Variants in LRRC37A3 observed in about 807,000 individuals in gnomAD.
The protein encoded by LRRC37A3 is leucine-rich repeat-containing protein 37A3.
Under a neutral mutation model 106.2 loss-of-function variants are expected in LRRC37A3, and 25 were observed. That is an observed-to-expected ratio of 0.24 (90% confidence interval 0.17 to 0.33). The LOEUF (loss-of-function observed/expected upper bound fraction) is 0.33. Among genes scored for constraint, LRRC37A3 ranks in the 10% least tolerant of loss-of-function variants. The pLI, the probability that LRRC37A3 is intolerant of heterozygous loss-of-function variation, is 1.00. For synonymous variants in LRRC37A3, 305 were observed against 635.8 expected (o/e 0.48, Z 7.83); for missense variants, 712 against 1,644.9 (o/e 0.43, Z 9.81).
At chr17:64,866,315 A>G (rs1195512650) in intron 10 of LRRC37A3, among the ~76,000 whole-genome samples, 1 of 151,936 alleles carries the variant, frequency 6.6e-6, no homozygotes, top group African/African-American at 2.4e-5. Context: ...TAGAGCAGTA[A>G]AAGAGATCTG....
At chr17:64,862,327 C>T (rs1381156800) in intron 11 of LRRC37A3, among the ~76,000 whole-genome samples, 2 of 151,960 alleles carry the variant, frequency 1.3e-5, no homozygotes, top group Non-Finnish European at 2.9e-5. Context: ...GTTTGAGATT[C>T]GGAGCAAGTT....
chr17:64,859,594 C>G lies in LRRC37A3; in HGVS notation c.4552G>C (p.Val1518Leu). 1 of 1,613,058 alleles carries G rather than the reference C, an allele frequency of 6.2e-7. No homozygotes were observed. The highest frequency in any genetic ancestry group is 1.1e-5 in the South Asian group (1 of 90,948). The part of the protein sequence containing the change: ...AHVQVTCAKL[V>L]SRTGHLMKLL... ...TTCATCAGGTGGCCTGTCCTGGAGACGAGCTTGGCACAGGTCACTTGCACA... is the reference window on the plus strand; with the variant it reads ...TTCATCAGGTGGCCTGTCCTGGAGAGGAGCTTGGCACAGGTCACTTGCACA... The change falls in exon 12 of 15, where the codon GTC becomes CTC. Residue 1518 changes from valine (V) to leucine (L), a missense_variant. Transcript: ENST00000584306.
At position 64,860,709 on chromosome 17, in the gene LRRC37A3, G is replaced by A; in HGVS notation, c.3437C>T (p.Thr1146Ile). 3 of 1,613,864 alleles carry A rather than the reference G, an allele frequency of 1.9e-6. No homozygotes were observed. Among genetic ancestry groups the A allele is most frequent in the South Asian group, 2.2e-5 (2 of 91,080 alleles). The change falls in exon 12 of 15, where the codon ACC (threonine) becomes ATC (isoleucine). Residue 1146 changes from threonine (T) to isoleucine (I), a missense_variant. Coordinates refer to ENST00000584306, the MANE Select transcript of LRRC37A3 (RefSeq NM_199340.5). ...AATCTTTGCCAGGCTGTTTCCTGTG[G>A]TTGGCAGTTTAATGAACGGTAGTAA... ...SLLLPFIKLP[T>I]TGNSLAKIQT...
At chr17:64,913,075 C>T (rs1204846282) in intron 2 of LRRC37A3, among the ~76,000 whole-genome samples, 2 of 150,166 alleles carry the variant, frequency 1.3e-5, no homozygotes, top group Non-Finnish European at 2.9e-5. Flanking sequence ...GTTACCCAGG[C>T]TAGAGTGCAA....
At chr17:64,863,138 A>C in intron 10 of LRRC37A3, 120 bp from the exon 11 acceptor site, 1 of 1,398,256 alleles carries the variant, frequency 7.2e-7, no homozygotes, top group Non-Finnish European at 1.0e-6. Flanking sequence ...TGTGGACTGG[A>C]CAGTTGGGTA....
rs1260758834 is a variant in LRRC37A3 at position 64,861,811 on chromosome 17, T to C, written c.3173-838A>G. Among the ~76,000 whole-genome samples the C allele has an allele frequency of 2.6e-5, 4 of 152,202 alleles. No individual in the cohort carries two copies. The South Asian group carries it at 6.2e-4, about 24-fold the overall frequency. Reference sequence around the variant, plus strand: ...TTCATTTCATCTCTAATATTTTGGATGGGGAATCATCCAAAGCTTCTGACT... The same window carrying C: ...TTCATTTCATCTCTAATATTTTGGACGGGGAATCATCCAAAGCTTCTGACT... On this transcript the variant is annotated intron_variant, in intron 11 of 14. Coordinates refer to ENST00000584306, the MANE Select transcript of LRRC37A3 (RefSeq NM_199340.5).
At chr17:64,873,407 G>T (rs986106862) in intron 8 of LRRC37A3, among the ~76,000 whole-genome samples, 14 of 152,156 alleles carry the variant, frequency 9.2e-5, no homozygotes, top group African/African-American at 3.4e-4. Flanking sequence ...CTCAACCTCA[G>T]CCTCAGCCTC....
At chr17:64,918,981 C>T in intron 1 of LRRC37A3, 111 bp from the exon 2 acceptor site, 1 of 1,207,170 alleles carries the variant, frequency 8.3e-7, no homozygotes, top group Non-Finnish European at 1.0e-6. Flanking sequence ...TGGCTGCCCC[C>T]GCCTCCCCCC....
chr17:64,916,988 G>A (rs1974717577), intron 2 of LRRC37A3, among the ~76,000 whole-genome samples: 4 of 151,266 alleles, frequency 2.6e-5, no homozygotes, highest in Admixed American at 2.6e-4. Flanking sequence ...GCTCACGTCT[G>A]TAATCCCAGC....
chr17:64,916,627 A>C (rs1974707833), intron 2 of LRRC37A3, among the ~76,000 whole-genome samples: 2 of 150,348 alleles, frequency 1.3e-5, no homozygotes, highest in Non-Finnish European at 3.0e-5. Flanking sequence ...AAAAAAAAAA[A>C]AAAAAAACTA....
chr17:64,874,456 C>T (rs1371645369), intron 8 of LRRC37A3, among the ~76,000 whole-genome samples: 45 of 150,932 alleles, frequency 3.0e-4, no homozygotes, highest in Non-Finnish European at 1.5e-4. Context: ...CCCGGCCAGC[C>T]GCCCCATCCG....
intron 2 of LRRC37A3, among the ~76,000 whole-genome samples, chr17:64,913,587 G>A (rs994058872): frequency 4.0e-5 from 6 of 151,590 alleles, no homozygotes; most frequent in South Asian, 2.1e-4. Flanking sequence ...TGATCCACCC[G>A]CCTCGGCCTC....
At chr17:64,912,979 G>A (rs1396850496) in intron 2 of LRRC37A3, among the ~76,000 whole-genome samples, 1 of 148,094 alleles carries the variant, frequency 6.8e-6, no homozygotes, top group Non-Finnish European at 1.5e-5. Flanking sequence ...GTCAAAAACA[G>A]TATTATACTA....
chr17:64,859,601 G>A lies in LRRC37A3; in HGVS notation c.4545C>T (p.Ala1515=). The change falls in exon 12 of 15, where the codon GCC becomes GCT. Residue 1515 remains alanine, a synonymous_variant. Coordinates refer to ENST00000584306, the MANE Select transcript of LRRC37A3 (RefSeq NM_199340.5). The stretch of plus-strand genomic sequence containing the variant: ...GGTGGCCTGTCCTGGAGACGAGCTT[G>A]GCACAGGTCACTTGCACATGGGCCC... ...CSGAHVQVTC[A]KLVSRTGHLM... is the part of the protein sequence containing the mutation. The A allele has an allele frequency of 6.2e-7, 1 of 1,613,156 alleles. No individual in the cohort carries two copies. The highest frequency in any genetic ancestry group is 1.1e-5 in the South Asian group (1 of 90,954).
Position 64,917,164 on chromosome 17 carries a change from T to A in LRRC37A3, c.-496+1586A>T, listed in dbSNP as rs1974722148. Among the ~76,000 whole-genome samples the A allele has an allele frequency of 2.9e-5, 4 of 139,896 alleles. No individual in the cohort carries two copies. In the South Asian group the frequency reaches 8.6e-4, roughly 30 times the overall value. The allele number at this position is 139,896 out of a possible 152,430, so 91.8% of individuals were successfully genotyped here. On this transcript the variant is annotated intron_variant, in intron 2 of 14. Transcript: ENST00000584306. ...GGGAGGCTGAGGCAGGAGAATGGCA[T>A]GAACCCGGGAGGCGGAGCTTGCAGT... is the stretch of plus-strand genomic sequence containing the variant.
chr17:64,916,885 T>C (rs1344481968), intron 2 of LRRC37A3, among the ~76,000 whole-genome samples: 3 of 147,770 alleles, frequency 2.0e-5, no homozygotes, highest in Non-Finnish European at 4.5e-5. Flanking sequence ...CATTAGTCAT[T>C]AGGGACAAGG....
At chr17:64,919,321 G>C (rs1287736198) in intron 1 of LRRC37A3, 110 bp downstream of exon 1, 3 of 510,442 alleles carry the variant, frequency 5.9e-6, no homozygotes, top group African/African-American at 4.1e-5. Context: ...AATGGGCGCA[G>C]TGGGGGCGGC....
At chr17:64,910,944 T>C (rs1356255812) in intron 2 of LRRC37A3, among the ~76,000 whole-genome samples, 3 of 151,778 alleles carry the variant, frequency 2.0e-5, no homozygotes, top group African/African-American at 4.8e-5. Flanking sequence ...GCCTGGCCTA[T>C]AGAGTGCTTT....
At chr17:64,890,667 A>G (rs1457587135) in intron 5 of LRRC37A3, among the ~76,000 whole-genome samples, 1 of 140,386 alleles carries the variant, frequency 7.1e-6, no homozygotes, top group East Asian at 2.0e-4. Context: ...CCCTGTCTCT[A>G]CTAAAAATAT....
Sources: allele counts gnomAD v4.1 joint callset (sites outside exome capture counted in the v4.1 genomes callset), GRCh38; gene constraint gnomAD v4.1.1; transcripts MANE v1.5; gene names NCBI Gene and HGNC (gene_info 2026-07-23, HGNC 2026-07-21).